KAZN: variants seen among roughly 807,000 people sequenced by gnomAD.
The protein encoded by KAZN is kazrin.
Under a neutral mutation model 87.4 loss-of-function variants are expected in KAZN, and 40 were observed. The observed-to-expected ratio is 0.46, with a 90% CI of 0.36 to 0.60. The LOEUF (loss-of-function observed/expected upper bound fraction) is 0.60, where lower values mean the gene tolerates loss of function less well. Among genes scored for constraint, KAZN ranks in the 20% least tolerant of loss-of-function variants. The pLI is 0.00. For synonymous variants in KAZN, 466 were observed against 458.3 expected, an observed-to-expected ratio of 1.02 and a Z score of -0.22; for missense variants, 898 against 1,073.9, an observed-to-expected ratio of 0.84 and a Z score of 2.29.
intron 1 of KAZN, among the ~76,000 whole-genome samples, chr1:14,873,052 GTGGATGGATGGATGGGTGGA>G: frequency 7.1e-6 from 1 of 140,220 alleles, no homozygotes; most frequent in Non-Finnish European, 1.5e-5. Context: ...GAATCGGTGG[GTGGATGGATGGATGGGTGGA>G]TGGATGGATG....
chr1:15,014,036 A>G (rs1669844825), intron 2 of KAZN, among the ~76,000 whole-genome samples: 1 of 152,134 alleles, frequency 6.6e-6, no homozygotes, highest in African/African-American at 2.4e-5. Flanking sequence ...ACAGAACTGG[A>G]GCTCATTCCG....
intron 1 of KAZN, among the ~76,000 whole-genome samples, chr1:14,779,078 G>T (rs544755379): frequency 4.6e-5 from 7 of 152,120 alleles, no homozygotes; most frequent in Non-Finnish European, 8.8e-5. Context: ...ACCTTTTAAG[G>T]CTCAGCCTCA....
chr1:14,804,212 A>G (rs1428839086), intron 1 of KAZN, among the ~76,000 whole-genome samples: 2 of 152,190 alleles, frequency 1.3e-5, no homozygotes, highest in African/African-American at 4.8e-5. Context: ...ATTGCAAGGA[A>G]GAGAGGCCAG....
At chr1:15,015,929 G>A (rs138380637) in intron 2 of KAZN, among the ~76,000 whole-genome samples, 189 of 152,256 alleles carry the variant, frequency 1.2e-3, no homozygotes, top group African/African-American at 4.4e-3. Flanking sequence ...AGGGCAGGGC[G>A]CCCCCACTTA....
chr1:13,935,221 G>A (rs941356396), intron 1 of KAZN, among the ~76,000 whole-genome samples: 5 of 100,444 alleles, frequency 5.0e-5, no homozygotes, highest in African/African-American at 1.6e-4. Context: ...TGGGCAGCAA[G>A]AGCGAAACTC....
At chr1:14,817,545 C>G (rs1240380392) in intron 1 of KAZN, among the ~76,000 whole-genome samples, 1 of 152,132 alleles carries the variant, frequency 6.6e-6, no homozygotes, top group Non-Finnish European at 1.5e-5. Context: ...TCCCCAGAGC[C>G]TAAAACAATA....
At chr1:14,794,956 C>G (rs569596827) in intron 1 of KAZN, among the ~76,000 whole-genome samples, 18 of 152,158 alleles carry the variant, frequency 1.2e-4, no homozygotes, top group African/African-American at 4.3e-4. Context: ...TTCTCCCGTG[C>G]TGGATGCTTC....
chr1:14,050,001 G>A (rs1016871614), intron 1 of KAZN, among the ~76,000 whole-genome samples: 1 of 152,228 alleles, frequency 6.6e-6, no homozygotes, highest in Non-Finnish European at 1.5e-5. Context: ...GAGGGAAAGG[G>A]AGAGGGGCCA....
intron 1 of KAZN, among the ~76,000 whole-genome samples, chr1:13,955,993 G>A (rs181384172): frequency 1.7e-4 from 26 of 152,286 alleles, no homozygotes; most frequent in African/African-American, 6.0e-4. Flanking sequence ...CTCATCATGA[G>A]CGCCCATCAT....
chr1:14,591,685 A>G (rs950544611), intron 2 of KAZN, among the ~76,000 whole-genome samples: 1 of 152,196 alleles, frequency 6.6e-6, no homozygotes, highest in Non-Finnish European at 1.5e-5. Context: ...GATGCGCCTG[A>G]CCGACTTTCC....
Position 14,004,707 on chromosome 1 carries a change from T to C in KAZN, c.91+110951T>C, listed in dbSNP as rs946229747. Among the ~76,000 whole-genome samples, 22 of 152,132 alleles carry C rather than the reference T, an allele frequency of 1.4e-4. 1 individual carries two copies. The highest frequency in any genetic ancestry group is 4.3e-4 in the African/African-American group (18 of 41,480). On this transcript the variant is annotated intron_variant, in intron 1 of 16. Coordinates refer to the KAZN transcript ENST00000636203. Reference sequence around the variant, plus strand: ...ATGATTTGTGCACTTTTGTACATAGTGTTTGCTATGGTTTGAATGTCTCCT... The same window carrying C: ...ATGATTTGTGCACTTTTGTACATAGCGTTTGCTATGGTTTGAATGTCTCCT...
At chr1:14,798,416 C>CT (rs545959773) in intron 1 of KAZN, among the ~76,000 whole-genome samples, 1,433 of 88,134 alleles carry the variant, frequency 0.016, 195 homozygotes, top group African/African-American at 0.038. Context: ...TGTTTCTTTC[C>CT]TTTTTTTTTT....
intron 1 of KAZN, among the ~76,000 whole-genome samples, chr1:13,985,823 T>C (rs1638989520): frequency 6.6e-6 from 1 of 152,226 alleles, no homozygotes; most frequent in South Asian, 2.1e-4. Flanking sequence ...CATAATGCTT[T>C]CAAGGTTTAC....
intron 1 of KAZN, among the ~76,000 whole-genome samples, chr1:14,788,919 C>G (rs1398465963): frequency 2.0e-5 from 3 of 152,152 alleles, no homozygotes; most frequent in Non-Finnish European, 2.9e-5. Flanking sequence ...GGGTTAAGAT[C>G]TCCTCCAGAT....
At chr1:14,286,729 G>A (rs1653282355) in intron 2 of KAZN, among the ~76,000 whole-genome samples, 2 of 151,968 alleles carry the variant, frequency 1.3e-5, no homozygotes, top group Non-Finnish European at 2.9e-5. Flanking sequence ...ACATCCCCAG[G>A]TAGCCCAAAT....
chr1:14,121,280 T>A (rs80211096), intron 1 of KAZN, among the ~76,000 whole-genome samples: 2 of 152,236 alleles, frequency 1.3e-5, no homozygotes, highest in African/African-American at 4.8e-5. Flanking sequence ...AAACCTCTTC[T>A]GTTGGTCAGC....
chr1:14,527,020 G>T (rs182296014), intron 2 of KAZN, among the ~76,000 whole-genome samples: 7 of 152,248 alleles, frequency 4.6e-5, no homozygotes, highest in South Asian at 2.1e-4. Flanking sequence ...AAACTAAAAT[G>T]CTTGTGGACC....
At chr1:14,024,515 A>G (rs1640984048) in intron 1 of KAZN, among the ~76,000 whole-genome samples, 2 of 152,250 alleles carry the variant, frequency 1.3e-5, no homozygotes, top group African/African-American at 4.8e-5. Context: ...ATTTAGAAAA[A>G]TCAAGGGATG....
At chr1:14,904,159 T>G (rs772136500) in intron 1 of KAZN, among the ~76,000 whole-genome samples, 5 of 152,194 alleles carry the variant, frequency 3.3e-5, no homozygotes, top group Non-Finnish European at 5.9e-5. Flanking sequence ...TGGCCTGTTA[T>G]GGAAATTCTT....
Sources: gnomAD v4.1 joint callset for allele counts (sites outside exome capture counted in the v4.1 genomes callset) on GRCh38, gnomAD v4.1.1 for gene constraint, MANE v1.5 for transcripts, NCBI Gene and HGNC (gene_info 2026-07-23, HGNC 2026-07-21) for gene names.